The following FAF1 variants were observed in gnomAD, a reference collection of about 807,000 sequenced individuals.
The protein encoded by FAF1 is FAS-associated factor 1.
FAF1 carries 25 observed loss-of-function variants against 92.5 expected under a neutral mutation model. The ratio of observed to expected loss-of-function variants is 0.27; its 90% CI spans 0.20 to 0.38. The LOEUF is 0.38. Among genes scored for constraint, FAF1 ranks in the 10% least tolerant of loss-of-function variants. The pLI is 1.00. For synonymous variants in FAF1, 234 were observed against 273.2 expected (o/e 0.86, Z 1.42); for missense variants, 636 against 793.3 (o/e 0.80, Z 2.38).
intron 1 of FAF1, among the ~76,000 whole-genome samples, chr1:50,907,322 G>A (rs560354195): frequency 1.3e-5 from 2 of 152,316 alleles, no homozygotes; most frequent in African/African-American, 4.8e-5. Flanking sequence ...GTTCATCAGG[G>A]ATATTAGTCT....
intron 4 of FAF1, among the ~76,000 whole-genome samples, chr1:50,765,572 T>C (rs1248722624): frequency 6.6e-6 from 1 of 152,196 alleles, no homozygotes; most frequent in East Asian, 1.9e-4. Flanking sequence ...CTACTAACCA[T>C]TTCTAATCAG....
intron 1 of FAF1, among the ~76,000 whole-genome samples, chr1:50,910,568 C>T (rs1644876338): frequency 6.6e-6 from 1 of 152,166 alleles, no homozygotes; most frequent in South Asian, 2.1e-4. Context: ...TGTTTACCTA[C>T]TCAAGCCTCA....
At chr1:50,715,757 C>A (rs979540523) in intron 6 of FAF1, among the ~76,000 whole-genome samples, 3 of 152,056 alleles carry the variant, frequency 2.0e-5, no homozygotes. Flanking sequence ...CTAATGAGTA[C>A]CAATGTAATT....
At chr1:50,594,641 T>TG (rs1285874053) in intron 9 of FAF1, among the ~76,000 whole-genome samples, 3 of 69,476 alleles carry the variant, frequency 4.3e-5, no homozygotes, top group African/African-American at 5.7e-5. Flanking sequence ...GGGTGGGGGT[T>TG]GGGGGTGGAT....
chr1:50,923,726 C>A (rs1644983202), intron 1 of FAF1, among the ~76,000 whole-genome samples: 1 of 152,194 alleles, frequency 6.6e-6, no homozygotes, highest in African/African-American at 2.4e-5. Flanking sequence ...AAAAAGATCA[C>A]TCACCATAAG....
chr1:50,537,807 G>A (rs138325040), intron 14 of FAF1, among the ~76,000 whole-genome samples: 154 of 152,096 alleles, frequency 1.0e-3, no homozygotes, highest in African/African-American at 3.6e-3. Flanking sequence ...TGAAATTTAC[G>A]AAGAAAATCT....
At chr1:50,490,446 AGG>A (rs780082412) in intron 17 of FAF1, 140 bp downstream of exon 17, 30,628 of 403,596 alleles carry the variant, frequency 0.076, 2,507 homozygotes, top group South Asian at 0.095. Context: ...GAAGGAAGGA[AGG>A]AAGGAAGGAA....
intron 7 of FAF1, among the ~76,000 whole-genome samples, chr1:50,685,617 C>G (rs924346660): frequency 2.6e-5 from 4 of 152,226 alleles, no homozygotes; most frequent in Admixed American, 2.0e-4. Context: ...ACATCCTCAG[C>G]AGGACCATTG....
intron 7 of FAF1, among the ~76,000 whole-genome samples, chr1:50,658,864 G>GT (rs1379549392): frequency 6.6e-6 from 1 of 152,194 alleles, no homozygotes; most frequent in East Asian, 1.9e-4. Flanking sequence ...ACAATTTAGT[G>GT]TTTTTCAAAA....
intron 1 of FAF1, among the ~76,000 whole-genome samples, chr1:50,956,880 G>A (rs917543851): frequency 2.0e-5 from 3 of 152,124 alleles, no homozygotes; most frequent in South Asian, 2.1e-4. Flanking sequence ...CCCGAGAGGC[G>A]GAGGTTGCAG....
At chr1:50,492,788 A>C (rs1461206821) in intron 15 of FAF1, among the ~76,000 whole-genome samples, 1 of 152,196 alleles carries the variant, frequency 6.6e-6, no homozygotes, top group African/African-American at 2.4e-5. Flanking sequence ...CTCTTAGGTG[A>C]GATAGCTAAT....
At chr1:50,795,770 C>A (rs1195287534) in intron 3 of FAF1, among the ~76,000 whole-genome samples, 1 of 152,146 alleles carries the variant, frequency 6.6e-6, no homozygotes, top group East Asian at 1.9e-4. Context: ...TTCCACAACA[C>A]TTCCATTGAA....
chr1:50,769,250 A>G (rs1465696791), intron 4 of FAF1, among the ~76,000 whole-genome samples: 1 of 152,246 alleles, frequency 6.6e-6, no homozygotes, highest in Non-Finnish European at 1.5e-5. Context: ...GACCAGGAAG[A>G]AATTTAATCC....
chr1:50,890,403 T>G (rs1014882584), intron 1 of FAF1, among the ~76,000 whole-genome samples: 1 of 152,208 alleles, frequency 6.6e-6, no homozygotes, highest in Non-Finnish European at 1.5e-5. Flanking sequence ...ATCCTGTCAT[T>G]ATGATGTTAG....
chr1:50,715,312 G>A (rs965920589), intron 6 of FAF1, among the ~76,000 whole-genome samples: 5 of 152,054 alleles, frequency 3.3e-5, no homozygotes, highest in African/African-American at 4.8e-5. Context: ...TGAAGGTGGC[G>A]GGGTGGGAGC....
intron 1 of FAF1, among the ~76,000 whole-genome samples, chr1:50,917,997 G>A (rs2124729408): frequency 6.6e-6 from 1 of 152,110 alleles, no homozygotes; most frequent in South Asian, 2.1e-4. Flanking sequence ...GTTTCACACA[G>A]GACATTAAGA....
chr1:50,615,827 T>G (rs1172034163), intron 8 of FAF1, among the ~76,000 whole-genome samples: 1 of 152,200 alleles, frequency 6.6e-6, no homozygotes, highest in African/African-American at 2.4e-5. Flanking sequence ...GTCAATAGTT[T>G]ATTTTTCTGT....
At chr1:50,521,181 TCA>T (rs1354915776) in intron 15 of FAF1, among the ~76,000 whole-genome samples, 1 of 152,160 alleles carries the variant, frequency 6.6e-6, no homozygotes, top group Non-Finnish European at 1.5e-5. Flanking sequence ...TGGTGAGAAC[TCA>T]CACTATTTTT....
rs1241045887 is a variant in FAF1, at chr1:50,438,265, G to C, written c.*3175C>G. The stretch of plus-strand genomic sequence containing the variant: ...AATTGCAAAGTGCTATCAGAATGTT[G>C]TAAGGACACTGAGGTTCAGAGAGGT... On this transcript the variant is annotated 3_prime_UTR_variant, in exon 19 of 19. Transcript: ENST00000396153. 1 of 152,130 alleles carries C rather than the reference G, an allele frequency of 6.6e-6. No individual in the cohort carries two copies. The highest frequency in any genetic ancestry group is 1.5e-5 in the Non-Finnish European group (1 of 68,054). The allele number at this position is 152,130 out of a possible 1,614,324, so 9.4% of individuals were successfully genotyped here.
Sources: gnomAD v4.1 joint callset for allele counts (sites outside exome capture counted in the v4.1 genomes callset) on GRCh38, gnomAD v4.1.1 for gene constraint, MANE v1.5 for transcripts, NCBI Gene and HGNC (gene_info 2026-07-23, HGNC 2026-07-21) for gene names.